The following CELA1 variants were observed in gnomAD, a reference collection of about 807,000 sequenced individuals.
The protein encoded by CELA1 is chymotrypsin like elastase 1, also known as chymotrypsin-like elastase family member 1.
In CELA1, 28 loss-of-function variants were observed where a neutral mutation model predicts 34.8. That is an observed-to-expected ratio of 0.80 (90% CI 0.60 to 1.10). The LOEUF is 1.10. Among genes scored for constraint, CELA1 ranks in the 50% least tolerant of loss-of-function variants. CELA1 has a pLI of 0.00. For missense variants in CELA1, 288 were observed against 327.5 expected (o/e 0.88, Z 0.93); for synonymous variants, 140 against 129.8 (o/e 1.08, Z -0.53).
At chr12:51,342,079 A>AC (rs1217063477) in intron 4 of CELA1, among the ~76,000 whole-genome samples, 6 of 152,142 alleles carry the variant, frequency 3.9e-5, no homozygotes, top group Admixed American at 6.5e-5. Flanking sequence ...TCACTCTGTC[A>AC]CCCAGGCTGG....
chr12:51,345,898 G>C (rs937660936), intron 1 of CELA1, 21 bp from the exon 2 acceptor site: 2 of 1,540,530 alleles, frequency 1.3e-6, no homozygotes, highest in Admixed American at 3.9e-5. Context: ...CAGAAGAAAA[G>C]TGAGTGATGA....
In CELA1 at chr12:51,334,384, C is replaced by T. The variant is rs17860341; in HGVS notation, c.610-4551G>A. On this transcript the variant is annotated intron_variant, in intron 6 of 7. Transcript: ENST00000293636. Reference sequence around the variant, plus strand: ...TCTAGGGCAAACTAGGATGAATTGGCTACTTTATTTCCATGGTTCTTTGTA... The same window carrying T: ...TCTAGGGCAAACTAGGATGAATTGGTTACTTTATTTCCATGGTTCTTTGTA... Among the ~76,000 whole-genome samples, 5 of 152,244 alleles carry T rather than the reference C, an allele frequency of 3.3e-5. No homozygotes were observed. In the South Asian group the frequency reaches 1.0e-3, roughly 32 times the overall value.
chr12:51,346,515 G>T, intron 1 of CELA1, 108 bp downstream of exon 1: 1 of 1,109,972 alleles, frequency 9.0e-7, no homozygotes, highest in Non-Finnish European at 1.4e-6. Context: ...CTGGACTTAG[G>T]GAAAATTTGC....
At position 51,340,068 on chromosome 12, in the gene CELA1, C is replaced by T. The variant is rs1946525016; in HGVS notation, c.464-63G>A. On this transcript the variant is annotated intron_variant, in intron 5 of 7. Transcript: ENST00000293636. Reference sequence around the variant, plus strand: ...TGTGGTCCAGCAGAAAAACCTTCCACCCCTGCCACACCTTCCCAAACTCTC... The same window carrying T: ...TGTGGTCCAGCAGAAAAACCTTCCATCCCTGCCACACCTTCCCAAACTCTC... The T allele has an allele frequency of 2.7e-6, 4 of 1,471,424 alleles. No individual in the cohort carries two copies. The South Asian group carries it at 3.8e-5, about 14-fold the overall frequency. The allele number at this position is 1,471,424 out of a possible 1,614,324, so 91.1% of individuals were successfully genotyped here.
At position 51,342,615 on chromosome 12, in the gene CELA1, C is replaced by T. The variant is rs756093579; in HGVS notation, c.286G>A (p.Val96Met). Residue 96 changes from valine (V) to methionine (M), a missense_variant, in exon 4 of 8, where the codon GTG becomes ATG. Val to Met is a conservative substitution (Grantham distance 21). Transcript: ENST00000293636. ...TCGCTGTTCCAGTATGGATGCACCACGATCTTCTGCACACTCACGTACTGC... is the reference window on the plus strand; with the variant it reads ...TCGCTGTTCCAGTATGGATGCACCATGATCTTCTGCACACTCACGTACTGC... ...TEQYVSVQKI[V>M]VHPYWNSDNV... is the part of the protein sequence containing the mutation. The T allele has an allele frequency of 1.2e-5, 20 of 1,614,022 alleles. 1 individual carries two copies. The highest frequency in any genetic ancestry group is 6.6e-5 in the South Asian group (6 of 91,086).
chr12:51,345,728 T>G (rs1946561585), intron 2 of CELA1, 67 bp downstream of exon 2: 5 of 1,109,920 alleles, frequency 4.5e-6, no homozygotes, highest in Admixed American at 4.0e-5. Flanking sequence ...CAAATACACA[T>G]GATACCTTAT....
chr12:51,344,778 C>T (rs1413196751), intron 2 of CELA1, among the ~76,000 whole-genome samples: 1 of 152,118 alleles, frequency 6.6e-6, no homozygotes, highest in Non-Finnish European at 1.5e-5. Context: ...AGAGCTGTAC[C>T]TTTAGTGTTT....
chr12:51,343,882 A>G lies in CELA1; in HGVS notation c.100-29T>C, dbSNP rs755469335. 3.1e-6 allele frequency: 4 copies of G among 1,275,392 alleles called. No homozygotes were observed. The Admixed American group carries it at 5.3e-5, about 17-fold the overall frequency. The allele number at this position is 1,275,392 out of a possible 1,614,324, so 79.0% of individuals were successfully genotyped here. Reference sequence around the variant, plus strand: ...GATGGGGAGGAAAGAAAGAAGGGATAGGTTGGTGTTTCTCAAATGGTTTTG... The same window carrying G: ...GATGGGGAGGAAAGAAAGAAGGGATGGGTTGGTGTTTCTCAAATGGTTTTG... On this transcript the variant is annotated intron_variant, in intron 2 of 7. Coordinates refer to ENST00000293636, the MANE Select transcript of CELA1 (RefSeq NM_001971.6).
At chr12:51,340,094 G>C (rs1946525107) in intron 5 of CELA1, 89 bp from the exon 6 acceptor site, 5 of 1,250,802 alleles carry the variant, frequency 4.0e-6, no homozygotes, top group Middle Eastern at 1.9e-4. Flanking sequence ...CCAAACTCTC[G>C]TGAAAGCTGA....
intron 6 of CELA1, among the ~76,000 whole-genome samples, chr12:51,336,643 A>T (rs1009199893): frequency 1.3e-5 from 2 of 152,208 alleles, no homozygotes; most frequent in Non-Finnish European, 2.9e-5. Context: ...AACAAAAAAA[A>T]CACCAAATTT....
At chr12:51,340,124 T>C in intron 5 of CELA1, 119 bp from the exon 6 acceptor site, 1 of 832,460 alleles carries the variant, frequency 1.2e-6, no homozygotes, top group Non-Finnish European at 1.8e-6. Context: ...AAACTCCTTC[T>C]CTCTCCCTGT....
At chr12:51,329,913 T>G in intron 6 of CELA1, 80 bp from the exon 7 acceptor site, 1 of 1,351,124 alleles carries the variant, frequency 7.4e-7, no homozygotes, top group Non-Finnish European at 1.0e-6. Flanking sequence ...CGTCTCTGGT[T>G]GTGAAATTCT....
chr12:51,337,560 A>AG (rs1189996514), intron 6 of CELA1, among the ~76,000 whole-genome samples: 6 of 151,176 alleles, frequency 4.0e-5, no homozygotes, highest in Non-Finnish European at 8.8e-5. Flanking sequence ...AAAAAAAAAA[A>AG]AAGCAGCCAT....
Position 51,341,585 on chromosome 12 carries a change from T to C in CELA1, c.327-205A>G, listed in dbSNP as rs17860310. Among the ~76,000 whole-genome samples, 187 of 152,356 alleles carry C rather than the reference T, an allele frequency of 1.2e-3. 1 individual carries two copies. The highest frequency in any genetic ancestry group is 4.5e-3 in the African/African-American group (186 of 41,588). On this transcript the variant is annotated intron_variant, in intron 4 of 7. Coordinates refer to ENST00000293636, the MANE Select transcript of CELA1 (RefSeq NM_001971.6). ...TTCTATGTTTAACAGCAGCATCTGCTGGTGGGACATTGGTATTGCAGCCTA... is the reference window on the plus strand; with the variant it reads ...TTCTATGTTTAACAGCAGCATCTGCCGGTGGGACATTGGTATTGCAGCCTA...
chr12:51,339,458 A>C (rs1946519617), intron 6 of CELA1, among the ~76,000 whole-genome samples: 1 of 152,190 alleles, frequency 6.6e-6, no homozygotes, highest in African/African-American at 2.4e-5. Flanking sequence ...AGGCTGAGGC[A>C]GGAGAATTGC....
At chr12:51,330,633 C>A (rs1457149752) in intron 6 of CELA1, among the ~76,000 whole-genome samples, 1 of 152,166 alleles carries the variant, frequency 6.6e-6, no homozygotes, top group Non-Finnish European at 1.5e-5. Flanking sequence ...ATACCACCCC[C>A]ACTCTGAAAT....
intron 6 of CELA1, among the ~76,000 whole-genome samples, chr12:51,330,292 C>G (rs1445462369): frequency 1.3e-5 from 2 of 152,170 alleles, no homozygotes; most frequent in Non-Finnish European, 2.9e-5. Context: ...AGTATTTAGA[C>G]TTGGTAGTCA....
chr12:51,329,891 T>TC (rs1173339560), intron 6 of CELA1, 58 bp from the exon 7 acceptor site: 28 of 1,477,768 alleles, frequency 1.9e-5, no homozygotes, highest in Non-Finnish European at 2.4e-5. Flanking sequence ...TTGCTTGCAC[T>TC]CCCCCCGCCC....
rs1177321097 is a variant in CELA1, at chr12:51,343,766, G to A, written c.187C>T (p.His63Tyr). 1 of 1,598,408 alleles carries A rather than the reference G, an allele frequency of 6.3e-7. No individual in the cohort carries two copies. Among genetic ancestry groups the A allele is most frequent in the Non-Finnish European group, 8.6e-7 (1 of 1,166,168 alleles). ...IRQNWVMTAAHCVDYQKTFRV... is the reference protein window; with the variant it reads ...IRQNWVMTAAYCVDYQKTFRV... The stretch of plus-strand genomic sequence containing the variant: ...TGTTTTTCTTACTAATCCACGCAGT[G>A]AGCAGCTGTCATCACCCAGTTCTGT... Residue 63 changes from histidine (H) to tyrosine (Y), a missense_variant, in exon 3 of 8, where the codon CAC (histidine) becomes TAC (tyrosine). Physicochemically the swap from His to Tyr is moderately conservative, Grantham distance 83 (BLOSUM62 2). Coordinates refer to ENST00000293636, the MANE Select transcript of CELA1 (RefSeq NM_001971.6).
Sources: allele counts gnomAD v4.1 joint callset (sites outside exome capture counted in the v4.1 genomes callset), GRCh38; gene constraint gnomAD v4.1.1; transcripts MANE v1.5; gene names NCBI Gene and HGNC (gene_info 2026-07-23, HGNC 2026-07-21).